RPA2: variants seen among roughly 807,000 people sequenced by gnomAD.
RPA2 encodes replication protein A 32 kDa subunit.
In RPA2, 22 loss-of-function variants were observed where a neutral mutation model predicts 33.4. The observed-to-expected ratio is 0.66, with a 90% confidence interval of 0.47 to 0.94. The LOEUF (loss-of-function observed/expected upper bound fraction) is 0.94, where lower values mean the gene tolerates loss of function less well. Among genes scored for constraint, RPA2 ranks in the 40% least tolerant of loss-of-function variants. RPA2 has a pLI of 0.00. For synonymous variants in RPA2, 109 were observed against 114.9 expected (o/e 0.95, Z 0.33); for missense variants, 279 against 329.9 (o/e 0.85, Z 1.19).
intron 6 of RPA2, among the ~76,000 whole-genome samples, chr1:27,894,994 C>A (rs2089871747): frequency 6.6e-6 from 1 of 152,206 alleles, no homozygotes; most frequent in African/African-American, 2.4e-5. Context: ...CCTCCTAATA[C>A]TTGACCTCTC....
chr1:27,893,904 C>G (rs1255245428), intron 8 of RPA2, 108 bp downstream of exon 8: 1 of 896,346 alleles, frequency 1.1e-6, no homozygotes, highest in Non-Finnish European at 1.7e-6. Context: ...CCACCATGCC[C>G]GGCTGCCAAG....
rs564107863 is a variant in RPA2, at chr1:27,910,055, A to G, written c.118-2773T>C. 2.0e-5 allele frequency among the ~76,000 whole-genome samples: 3 copies of G among 152,254 alleles called. No homozygotes were observed. In the South Asian group the frequency reaches 6.2e-4, roughly 32 times the overall value. On this transcript the variant is annotated intron_variant, in intron 2 of 8. Transcript: ENST00000373912. The stretch of plus-strand genomic sequence containing the variant: ...CAGGATTTACCTCTCACAAACTACT[A>G]TATTTCTGTTTTTACCTATCACAGC...
chr1:27,906,799 C>A, intron 4 of RPA2, 129 bp downstream of exon 4: 2 of 632,186 alleles, frequency 3.2e-6, no homozygotes, highest in Non-Finnish European at 5.4e-6. Context: ...TAACCTTTTA[C>A]TTTAGAGTAT....
intron 4 of RPA2, among the ~76,000 whole-genome samples, chr1:27,899,827 C>T (rs2089944669): frequency 6.6e-6 from 1 of 150,782 alleles, no homozygotes; most frequent in Non-Finnish European, 1.5e-5. Context: ...ACTACAGGCG[C>T]CCGCCACCAC....
At chr1:27,905,174 A>G (rs2090012801) in intron 4 of RPA2, among the ~76,000 whole-genome samples, 1 of 152,164 alleles carries the variant, frequency 6.6e-6, no homozygotes, top group Non-Finnish European at 1.5e-5. Flanking sequence ...TTTTCTCAAC[A>G]ATTTATGGCA....
intron 8 of RPA2, among the ~76,000 whole-genome samples, chr1:27,892,646 C>T (rs920864715): frequency 1.3e-5 from 2 of 152,168 alleles, no homozygotes; most frequent in Non-Finnish European, 2.9e-5. Context: ...CCCGTTGGTC[C>T]CTCTCAGGGA....
intron 8 of RPA2, among the ~76,000 whole-genome samples, chr1:27,893,502 C>T (rs530396594): frequency 3.2e-4 from 48 of 152,100 alleles, no homozygotes; most frequent in Non-Finnish European, 5.3e-4. Flanking sequence ...TAGAGACAAG[C>T]GTTTCGCCAC....
At position 27,904,139 on chromosome 1, in the gene RPA2, T is replaced by A. The variant is rs571783322; in HGVS notation, c.333+2789A>T. On this transcript the variant is annotated intron_variant, in intron 4 of 8. Transcript: ENST00000373912. ...GAGATCGCGCCATTGCACTCCAGCCTGGGCAACAAGAGCACAGCTCCATCT... is the reference window on the plus strand; with the variant it reads ...GAGATCGCGCCATTGCACTCCAGCCAGGGCAACAAGAGCACAGCTCCATCT... 4.1e-5 allele frequency among the ~76,000 whole-genome samples: 6 copies of A among 146,260 alleles called. No homozygotes were observed. In the South Asian group the frequency reaches 1.3e-3, roughly 31 times the overall value.
At chr1:27,904,334 C>T (rs536280507) in intron 4 of RPA2, among the ~76,000 whole-genome samples, 3 of 152,182 alleles carry the variant, frequency 2.0e-5, no homozygotes, top group African/African-American at 7.2e-5. Context: ...CAAAATGTGT[C>T]GTAATAGTAG....
At chr1:27,911,088 C>T (rs1404580947) in intron 2 of RPA2, among the ~76,000 whole-genome samples, 4 of 151,956 alleles carry the variant, frequency 2.6e-5, no homozygotes, top group South Asian at 2.1e-4. Flanking sequence ...TGGTGGCATG[C>T]GCCTGTAGTC....
rs754470383 is a variant in RPA2, at chr1:27,894,286, T to C, written c.633+4A>G. The C allele has an allele frequency of 1.2e-6, 2 of 1,612,626 alleles. No individual in the cohort carries two copies. The highest frequency in any genetic ancestry group is 1.7e-6 in the Non-Finnish European group (2 of 1,179,282). The stretch of plus-strand genomic sequence containing the variant: ...ATTTCTGAAGCCACTCTGGTGGAGG[T>C]TACCTGGTTTTGGGCCACAGTGAGG... On this transcript the variant is annotated splice_donor_region_variant and intron_variant, in intron 7 of 8. Coordinates refer to ENST00000373912, the MANE Select transcript of RPA2 (RefSeq NM_002946.5).
intron 4 of RPA2, 80 bp downstream of exon 4, chr1:27,906,848 A>G: frequency 1.1e-6 from 1 of 917,082 alleles, no homozygotes; most frequent in Non-Finnish European, 1.7e-6. Flanking sequence ...TTATAAGAAA[A>G]AACTTTAAAA....
chr1:27,901,608 G>A (rs12031669), intron 4 of RPA2, among the ~76,000 whole-genome samples: 4,863 of 151,930 alleles, frequency 0.032, 260 homozygotes, highest in East Asian at 0.26. Context: ...TGACCCTCCC[G>A]CCTCGGCCTC....
At chr1:27,914,742 C>T (rs775984469), upstream of RPA2, 8 of 1,475,336 alleles carry the variant, frequency 5.4e-6, no homozygotes, top group Non-Finnish European at 7.5e-6. Flanking sequence ...ACCCTCCGCA[C>T]TAGCGGAAGC....
At position 27,907,049 on chromosome 1, in the gene RPA2, A is replaced by G. The variant is rs1469276876; in HGVS notation, c.220-8T>C. The G allele has an allele frequency of 1.3e-6, 2 of 1,586,630 alleles. No individual in the cohort carries two copies. The highest frequency in any genetic ancestry group is 1.7e-6 in the Non-Finnish European group (2 of 1,169,364). ...GATCCCCACAATAGTGACCTAGGTT[A>G]GAAGAAACAAAGAAAAAAAAAAAAG... On this transcript the variant is annotated splice_polypyrimidine_tract_variant and splice_region_variant and intron_variant, in intron 3 of 8. Coordinates refer to ENST00000373912, the MANE Select transcript of RPA2 (RefSeq NM_002946.5).
intron 5 of RPA2, 130 bp downstream of exon 5, chr1:27,897,503 G>A: frequency 9.3e-6 from 5 of 536,458 alleles, no homozygotes; most frequent in Non-Finnish European, 1.6e-5. Flanking sequence ...ATTTCCTTTT[G>A]AAGAGAGTAA....
intron 4 of RPA2, among the ~76,000 whole-genome samples, chr1:27,900,696 A>T (rs2089957166): frequency 6.6e-6 from 1 of 150,628 alleles, no homozygotes; most frequent in East Asian, 1.9e-4. Flanking sequence ...ACTGAGCCTC[A>T]CTCTGTTACC....
intron 2 of RPA2, among the ~76,000 whole-genome samples, chr1:27,912,241 G>A (rs545726561): frequency 1.3e-5 from 2 of 151,874 alleles, no homozygotes; most frequent in South Asian, 4.2e-4. Context: ...AAATGAAATT[G>A]CAGTTGTTAA....
At chr1:27,894,789 T>C (rs972090080) in intron 6 of RPA2, among the ~76,000 whole-genome samples, 1 of 152,144 alleles carries the variant, frequency 6.6e-6, no homozygotes, top group Non-Finnish European at 1.5e-5. Context: ...ACACAGTCCC[T>C]ATCGTCCTCT....
Sources: gnomAD v4.1 joint callset for allele counts (sites outside exome capture counted in the v4.1 genomes callset) on GRCh38, gnomAD v4.1.1 for gene constraint, MANE v1.5 for transcripts, NCBI Gene and HGNC (gene_info 2026-07-23, HGNC 2026-07-21) for gene names.